Variants in FAM120A observed in about 807,000 individuals in gnomAD.
FAM120A encodes the protein family with sequence similarity 120 member A.
In FAM120A, 15 loss-of-function variants were observed where a neutral mutation model predicts 109.7. The ratio of observed to expected loss-of-function variants is 0.14; its 90% CI spans 0.09 to 0.21. The LOEUF is 0.21. Ranked by LOEUF, FAM120A falls within the 10% of genes least tolerant of loss-of-function variation. The probability of loss-of-function intolerance (pLI) is 1.00; values close to 1 mark genes in which losing one functional copy is unlikely to be tolerated. For synonymous variants in FAM120A, 493 were observed against 572.8 expected (o/e 0.86, Z 1.99); for missense variants, 899 against 1,439.3 (o/e 0.62, Z 6.07).
At chr9:93,537,470 C>T (rs1861555966) in intron 10 of FAM120A, among the ~76,000 whole-genome samples, 1 of 152,004 alleles carries the variant, frequency 6.6e-6, no homozygotes, top group Non-Finnish European at 1.5e-5. Context: ...CCTCCCATTT[C>T]CTACAAAAGT....
At chr9:93,487,927 C>T (rs1859136552) in intron 3 of FAM120A, among the ~76,000 whole-genome samples, 1 of 152,088 alleles carries the variant, frequency 6.6e-6, no homozygotes, top group Non-Finnish European at 1.5e-5. Flanking sequence ...TGTGAACATT[C>T]ATCACTCTCT....
At chr9:93,520,980 G>A (rs560493204) in intron 7 of FAM120A, among the ~76,000 whole-genome samples, 1 of 152,284 alleles carries the variant, frequency 6.6e-6, no homozygotes, top group South Asian at 2.1e-4. Context: ...GAGTTGTTCA[G>A]TGTCTTTGTA....
chr9:93,526,704 C>T (rs11790449), intron 7 of FAM120A, among the ~76,000 whole-genome samples: 42,446 of 152,146 alleles, frequency 0.28, 6,992 homozygotes, highest in East Asian at 0.42. Flanking sequence ...TAGGCTGGAG[C>T]GCCCTGTGTG....
chr9:93,532,111 A>T lies in FAM120A; in HGVS notation c.1735-44A>T, dbSNP rs369403996. The T allele has an allele frequency of 3.2e-6, 5 of 1,568,780 alleles. No individual in the cohort carries two copies. The highest frequency in any genetic ancestry group is 3.4e-4 in the Middle Eastern group (2 of 5,930). ...TTTCTGTGAGTGTATTGTAAATTCA[A>T]CATGAAAAATGTGCAATGTTATTCT... is the stretch of plus-strand genomic sequence containing the variant. On this transcript the variant is annotated intron_variant, in intron 9 of 17. Transcript: ENST00000277165. The surrounding 1 kb of genome is among the most constrained non-coding windows in gnomAD (Gnocchi z 4.3).
At chr9:93,539,928 G>A (rs540682543) in intron 10 of FAM120A, among the ~76,000 whole-genome samples, 60 of 152,310 alleles carry the variant, frequency 3.9e-4, no homozygotes, top group South Asian at 1.7e-3. Context: ...GTTTCAACCC[G>A]AAAATTGGAT....
At position 93,506,081 on chromosome 9, in the gene FAM120A, C is replaced by G. The variant is rs556972327; in HGVS notation, c.1030+7195C>G. On this transcript the variant is annotated intron_variant, in intron 5 of 17. Coordinates refer to ENST00000277165, the MANE Select transcript of FAM120A (RefSeq NM_014612.5). ...CCACAGGATTATGCCGTTCTAGTTGCCATAGCCTTGTAATAATACTTGATG... is the reference window on the plus strand; with the variant it reads ...CCACAGGATTATGCCGTTCTAGTTGGCATAGCCTTGTAATAATACTTGATG... 4.6e-5 allele frequency among the ~76,000 whole-genome samples: 7 copies of G among 152,266 alleles called. No homozygotes were observed. The South Asian group carries it at 1.5e-3, about 32-fold the overall frequency.
intron 3 of FAM120A, among the ~76,000 whole-genome samples, chr9:93,491,204 A>G (rs1193811988): frequency 6.6e-6 from 1 of 152,164 alleles, no homozygotes; most frequent in Non-Finnish European, 1.5e-5. Context: ...CACACCACTG[A>G]CCCAACCCCA....
chr9:93,455,240 A>G (rs1375729101), intron 1 of FAM120A, among the ~76,000 whole-genome samples: 2 of 152,232 alleles, frequency 1.3e-5, no homozygotes, highest in Non-Finnish European at 2.9e-5. Context: ...ACTTGCATGA[A>G]TATTTAATTA....
intron 3 of FAM120A, among the ~76,000 whole-genome samples, chr9:93,486,993 G>A (rs908392119): frequency 3.3e-5 from 5 of 152,024 alleles, no homozygotes; most frequent in African/African-American, 1.2e-4. Flanking sequence ...AGCTTAATGA[G>A]GTTTCTCATT....
intron 10 of FAM120A, among the ~76,000 whole-genome samples, chr9:93,536,020 A>T (rs1420699880): frequency 6.6e-6 from 1 of 151,146 alleles, no homozygotes; most frequent in Non-Finnish European, 1.5e-5. Flanking sequence ...ACATATTTGT[A>T]CTAAGGAGAG....
In FAM120A at chr9:93,534,806, C is replaced by T. The variant is rs535069350; in HGVS notation, c.1909+2477C>T. Among the ~76,000 whole-genome samples the T allele has an allele frequency of 2.6e-5, 4 of 152,068 alleles. 1 individual carries two copies. The highest frequency in any genetic ancestry group is 2.6e-4 in the Admixed American group (4 of 15,280). On this transcript the variant is annotated intron_variant, in intron 10 of 17. Transcript: ENST00000277165. ...CTTAGGTGGGAAGGAGAAGCAGAGG[C>T]AGAAGTCCATACTTTGGGGCCATCT...
intron 10 of FAM120A, among the ~76,000 whole-genome samples, chr9:93,534,354 C>G (rs1021933000): frequency 1.3e-5 from 2 of 152,126 alleles, no homozygotes; most frequent in East Asian, 3.9e-4. Flanking sequence ...CCAACTCCAG[C>G]TGGAATCAGA....
chr9:93,524,455 T>G (rs987875738), intron 7 of FAM120A, among the ~76,000 whole-genome samples: 8 of 152,232 alleles, frequency 5.3e-5, no homozygotes, highest in African/African-American at 9.6e-5. Flanking sequence ...CTTTCCAGGC[T>G]TTCATACGGA....
intron 3 of FAM120A, among the ~76,000 whole-genome samples, chr9:93,486,351 T>C (rs115639240): frequency 6.6e-6 from 1 of 152,138 alleles, no homozygotes; most frequent in African/African-American, 2.4e-5. Context: ...CTTCATCAGT[T>C]GGTAGACACT....
intron 5 of FAM120A, among the ~76,000 whole-genome samples, chr9:93,504,043 A>G (rs1859923296): frequency 1.3e-5 from 2 of 152,142 alleles, no homozygotes; most frequent in African/African-American, 4.8e-5. Flanking sequence ...GATTGAATCA[A>G]TCTACGATTA....
intron 1 of FAM120A, among the ~76,000 whole-genome samples, chr9:93,462,211 T>C (rs1214454170): frequency 6.6e-6 from 1 of 151,460 alleles, no homozygotes; most frequent in African/African-American, 2.4e-5. Flanking sequence ...TTTCTTAAAA[T>C]TGTGGTAAAA....
chr9:93,524,154 G>T (rs1860967654), intron 7 of FAM120A, among the ~76,000 whole-genome samples: 1 of 152,246 alleles, frequency 6.6e-6, no homozygotes. Context: ...AGATAGTTCT[G>T]CTGTGAATTT....
intron 1 of FAM120A, among the ~76,000 whole-genome samples, chr9:93,454,434 G>A (rs1857456252): frequency 6.6e-6 from 1 of 151,618 alleles, no homozygotes; most frequent in Admixed American, 6.6e-5. Context: ...GGGTGTAGGG[G>A]GGTGCTTTTG....
chr9:93,525,268 C>T (rs373062522), intron 7 of FAM120A, among the ~76,000 whole-genome samples: 8 of 151,002 alleles, frequency 5.3e-5, no homozygotes, highest in African/African-American at 7.3e-5. Context: ...TCTCAGGTGG[C>T]GCTGGCATGG....
Sources: gnomAD v4.1 joint callset for allele counts (sites outside exome capture counted in the v4.1 genomes callset) on GRCh38, gnomAD v4.1.1 for gene constraint, Gnocchi (gnomAD v3.1) non-coding constraint, MANE v1.5 for transcripts, NCBI Gene and HGNC (gene_info 2026-07-23, HGNC 2026-07-21) for gene names.